The following ADGRE2 variants were observed in gnomAD, a reference collection of about 807,000 sequenced individuals.
The protein encoded by ADGRE2 is CD97 antigen.
Under a neutral mutation model 100.8 loss-of-function variants are expected in ADGRE2, and 83 were observed. The observed-to-expected ratio is 0.82, with a 90% CI of 0.69 to 0.99. ADGRE2 has a LOEUF of 0.99. Ranked by LOEUF, ADGRE2 falls within the 50% of genes least tolerant of loss-of-function variation. The probability of loss-of-function intolerance (pLI) is 0.00; values close to 1 mark genes in which losing one functional copy is unlikely to be tolerated. For missense variants in ADGRE2, 814 were observed against 1,035.7 expected (o/e 0.79, Z 2.94); for synonymous variants, 355 against 413.0 (o/e 0.86, Z 1.70).
Position 14,746,221 on chromosome 19 carries a change from C to T in ADGRE2, c.2183+11G>A, listed in dbSNP as rs757248394. 3.0e-4 allele frequency: 458 copies of T among 1,529,134 alleles called. 3 individuals carry two copies. The highest frequency in any genetic ancestry group is 8.1e-6 in the Non-Finnish European group (9 of 1,105,540). The allele number at this position is 1,529,134 out of a possible 1,614,324, so 94.7% of individuals were successfully genotyped here. On this transcript the variant is annotated intron_variant, in intron 18 of 20. Transcript: ENST00000315576. Reference sequence around the variant, plus strand: ...ATGTCTGTGTGGTTATCACCCCCTTCTCCATCTTACCTTGTGTTCCGGAGG... The same window carrying T: ...ATGTCTGTGTGGTTATCACCCCCTTTTCCATCTTACCTTGTGTTCCGGAGG...
At chr19:14,775,573 G>A (rs1462071965) in intron 2 of ADGRE2, among the ~76,000 whole-genome samples, 1 of 151,908 alleles carries the variant, frequency 6.6e-6, no homozygotes. Flanking sequence ...AAAAATGAAG[G>A]CATGGTCAGG....
intron 2 of ADGRE2, among the ~76,000 whole-genome samples, chr19:14,775,105 C>T (rs1018671541): frequency 6.6e-5 from 10 of 151,850 alleles, no homozygotes; most frequent in African/African-American, 2.2e-4. Context: ...TGGGTTCAAG[C>T]GGTTCTCCTG....
chr19:14,768,623 T>C (rs987533149), intron 5 of ADGRE2, among the ~76,000 whole-genome samples: 1 of 152,182 alleles, frequency 6.6e-6, no homozygotes, highest in African/African-American at 2.4e-5. Flanking sequence ...TCTCTTGCCA[T>C]TGGGTCCACA....
At position 14,749,295 on chromosome 19, in the gene ADGRE2, A is replaced by ATATATAAT. The variant is rs1382533131; in HGVS notation, c.2024+2140_2024+2141insATTATATA. ...AGCATATAATTATGCTTATATAATT[A>ATATATAAT]TATGTAATTATATATGATATATACA... On this transcript the variant is annotated intron_variant, in intron 16 of 20. Coordinates refer to ENST00000315576, the MANE Select transcript of ADGRE2 (RefSeq NM_013447.4). Among the ~76,000 whole-genome samples the ATATATAAT allele has an allele frequency of 2.7e-4, 18 of 66,756 alleles. No homozygotes were observed. In the South Asian group the frequency reaches 6.1e-3, roughly 23 times the overall value. The allele number at this position is 66,756 out of a possible 152,430, so 43.8% of individuals were successfully genotyped here.
At chr19:14,748,973 A>G (rs1427673628) in intron 16 of ADGRE2, among the ~76,000 whole-genome samples, 3 of 152,140 alleles carry the variant, frequency 2.0e-5, no homozygotes, top group Admixed American at 2.0e-4. Context: ...ATGTAAGGCT[A>G]GTTTAACATC....
Position 14,751,931 on chromosome 19 carries a change from A to AT in ADGRE2, c.1789-261dup, listed in dbSNP as rs199828270. On this transcript the variant is annotated intron_variant, in intron 15 of 20. Coordinates refer to ENST00000315576, the MANE Select transcript of ADGRE2 (RefSeq NM_013447.4). ...CACACACATATATATATATATATAT[A>AT]TTTTTTTTTTTTTTTTTTTGAGACG... Among the ~76,000 whole-genome samples the AT allele has an allele frequency of 5.1e-3, 677 of 133,640 alleles. 2 individuals are homozygous for AT. Among genetic ancestry groups the AT allele is most frequent in the Admixed American group, 0.01 (125 of 12,184 alleles). 87.7% of individuals were successfully genotyped at this position (133,640 alleles called of 152,430 possible). A position where few individuals can be genotyped will look rare whatever the true frequency, so the allele number is the denominator to read the frequency against.
downstream of ADGRE2, chr19:14,731,378 G>C: frequency 1.7e-6 from 1 of 605,542 alleles, no homozygotes; most frequent in Non-Finnish European, 2.9e-6. Context: ...TCCGGCTTCC[G>C]GGAGCTTAGT....
intron 16 of ADGRE2, among the ~76,000 whole-genome samples, chr19:14,750,625 A>G (rs1014123177): frequency 2.0e-5 from 3 of 152,206 alleles, no homozygotes; most frequent in Admixed American, 6.5e-5. Flanking sequence ...TAAGCATCTC[A>G]TAAATCTTAA....
chr19:14,773,107 A>G (rs1399161738), intron 4 of ADGRE2, among the ~76,000 whole-genome samples: 5 of 147,682 alleles, frequency 3.4e-5, no homozygotes, highest in East Asian at 1.9e-4. Flanking sequence ...AACAAAAAAA[A>G]AAAGAAAAAA....
At position 14,759,637 on chromosome 19, in the gene ADGRE2, C is replaced by T. The variant is rs558509975; in HGVS notation, c.1085-3292G>A. 2.2e-3 allele frequency among the ~76,000 whole-genome samples: 330 copies of T among 151,050 alleles called. 3 individuals carry two copies. Among genetic ancestry groups the T allele is most frequent in the African/African-American group, 7.6e-3 (314 of 41,130 alleles). ...TCAGCTTCCCAGGTAGCTGGGATTA[C>T]AGGCACGTGTCACTAAGCCCAGCTA... On this transcript the variant is annotated intron_variant, in intron 11 of 20. Transcript: ENST00000315576.
intron 14 of ADGRE2, among the ~76,000 whole-genome samples, chr19:14,753,215 G>A (rs80032503): frequency 5.6e-4 from 85 of 152,146 alleles, no homozygotes; most frequent in African/African-American, 2.0e-3. Context: ...TGAAGGGAAA[G>A]TGAGAGTTAA....
intron 20 of ADGRE2, among the ~76,000 whole-genome samples, chr19:14,739,158 T>TG (rs1477125271): frequency 1.3e-5 from 2 of 151,598 alleles, no homozygotes; most frequent in African/African-American, 4.9e-5. Context: ...TTAGTAGAGG[T>TG]GGGGTCTTGC....
chr19:14,747,042 C>T (rs2043116380), intron 16 of ADGRE2, 80 bp from the exon 17 acceptor site: 4 of 1,167,180 alleles, frequency 3.4e-6, no homozygotes, highest in Non-Finnish European at 5.0e-6. Context: ...CATCCCTCCT[C>T]ACCACTTCCT....
At chr19:14,750,604 C>T (rs2043255754) in intron 16 of ADGRE2, among the ~76,000 whole-genome samples, 1 of 152,122 alleles carries the variant, frequency 6.6e-6, no homozygotes, top group Non-Finnish European at 1.5e-5. Context: ...AGAAAAGTAC[C>T]TGGCACAAAG....
At chr19:14,766,742 G>A (rs2043993470) in intron 6 of ADGRE2, among the ~76,000 whole-genome samples, 1 of 152,216 alleles carries the variant, frequency 6.6e-6, no homozygotes, top group Admixed American at 6.5e-5. Context: ...GACAGATGAG[G>A]AAGGGGTGAG....
chr19:14,750,405 A>ACCT (rs1406010392), intron 16 of ADGRE2, among the ~76,000 whole-genome samples: 6 of 152,108 alleles, frequency 3.9e-5, no homozygotes, highest in African/African-American at 1.4e-4. Flanking sequence ...GGAATAGAAA[A>ACCT]GAATTTCTTT....
chr19:14,763,361 A>AAAACC, intron 11 of ADGRE2, among the ~76,000 whole-genome samples: 1 of 152,096 alleles, frequency 6.6e-6, no homozygotes, highest in East Asian at 1.9e-4. Context: ...AAAACAAAAC[A>AAAACC]AAACAAAACA....
chr19:14,730,535 CTCTT>C (rs1227665783), downstream of ADGRE2, among the ~76,000 whole-genome samples: 2 of 112,422 alleles, frequency 1.8e-5, no homozygotes, highest in Non-Finnish European at 4.1e-5. Context: ...GTCTTCCTCT[CTCTT>C]TCTGTATTTC....
chr19:14,755,894 A>G lies in ADGRE2; in HGVS notation c.1193-17T>C. On this transcript the variant is annotated splice_polypyrimidine_tract_variant and intron_variant, in intron 12 of 20. Coordinates refer to ENST00000315576, the MANE Select transcript of ADGRE2 (RefSeq NM_013447.4). Reference sequence around the variant, plus strand: ...CAGAAGGGCCTGCAGGGCGAGGCCAAGGTTGAATCTTGGAGTAGGTTGAAT... The same window carrying G: ...CAGAAGGGCCTGCAGGGCGAGGCCAGGGTTGAATCTTGGAGTAGGTTGAAT... 1 of 1,607,518 alleles carries G rather than the reference A, an allele frequency of 6.2e-7. No homozygotes were observed. The highest frequency in any genetic ancestry group is 2.2e-5 in the East Asian group (1 of 44,806).
Sources: allele counts gnomAD v4.1 joint callset (sites outside exome capture counted in the v4.1 genomes callset), GRCh38; gene constraint gnomAD v4.1.1; transcripts MANE v1.5; gene names NCBI Gene and HGNC (gene_info 2026-07-23, HGNC 2026-07-21).